The following NEK10 variants were observed in gnomAD, a reference collection of about 807,000 sequenced individuals.
The protein encoded by NEK10 is serine/threonine-protein kinase Nek10.
In NEK10, 122 loss-of-function variants were observed where a neutral mutation model predicts 159.8. The ratio of observed to expected loss-of-function variants is 0.76; its 90% CI spans 0.66 to 0.89. The LOEUF is 0.89. Ranked by LOEUF, NEK10 falls within the 40% of genes least tolerant of loss-of-function variation. NEK10 has a pLI of 0.00. For missense variants in NEK10, 1,342 were observed against 1,323.1 expected, an observed-to-expected ratio of 1.01 and a Z score of -0.22; for synonymous variants, 466 against 457.1, an observed-to-expected ratio of 1.02 and a Z score of -0.25.
chr3:27,229,003 A>G (rs184480235), intron 23 of NEK10, among the ~76,000 whole-genome samples: 2 of 152,268 alleles, frequency 1.3e-5, no homozygotes, highest in East Asian at 3.9e-4. Flanking sequence ...TGACCTAGCT[A>G]CAACTGGTTC....
intron 32 of NEK10, among the ~76,000 whole-genome samples, chr3:27,120,327 C>CTTTTT (rs879451959): frequency 7.0e-6 from 1 of 142,284 alleles, no homozygotes; most frequent in Non-Finnish European, 1.5e-5. Context: ...TTTCTTTTTT[C>CTTTTT]TTTTTTTTTT....
intron 22 of NEK10, among the ~76,000 whole-genome samples, chr3:27,262,710 G>A (rs1430449189): frequency 3.9e-5 from 6 of 152,054 alleles, no homozygotes; most frequent in Non-Finnish European, 1.5e-5. Flanking sequence ...TCTCTGCATT[G>A]ATTATTCTAG....
At chr3:27,233,000 C>A (rs749446087) in intron 23 of NEK10, among the ~76,000 whole-genome samples, 11 of 151,840 alleles carry the variant, frequency 7.2e-5, no homozygotes, top group Admixed American at 2.6e-4. Flanking sequence ...GACTAAGACC[C>A]CAAAACCAAA....
chr3:27,179,743 T>C lies in NEK10; in HGVS notation c.2506-4910A>G, dbSNP rs1475070390. Reference sequence around the variant, plus strand: ...GTATATACCAATATATTTAAAAGCATTTCAAATGAGGCCAGGATCAGGTAA... The same window carrying C: ...GTATATACCAATATATTTAAAAGCACTTCAAATGAGGCCAGGATCAGGTAA... On this transcript the variant is annotated intron_variant, in intron 26 of 35. Coordinates refer to ENST00000691995, the MANE Select transcript of NEK10 (RefSeq NM_001394966.1). Among the ~76,000 whole-genome samples, 6 of 152,186 alleles carry C rather than the reference T, an allele frequency of 3.9e-5. No homozygotes were observed. The East Asian group carries it at 1.2e-3, about 29-fold the overall frequency.
intron 22 of NEK10, among the ~76,000 whole-genome samples, chr3:27,256,654 C>T (rs1443347549): frequency 6.6e-6 from 1 of 152,100 alleles, no homozygotes; most frequent in African/African-American, 2.4e-5. Flanking sequence ...TAACATTTGG[C>T]ATAGGGCAGT....
intron 5 of NEK10, among the ~76,000 whole-genome samples, chr3:27,331,262 A>ACACAC (rs1553639045): frequency 4.4e-4 from 48 of 110,134 alleles, no homozygotes; most frequent in African/African-American, 1.3e-3. Flanking sequence ...AAAAAAAAAA[A>ACACAC]ACACACAAAC....
At chr3:27,303,835 G>A (rs1206654655) in intron 12 of NEK10, among the ~76,000 whole-genome samples, 1 of 152,062 alleles carries the variant, frequency 6.6e-6, no homozygotes, top group Non-Finnish European at 1.5e-5. Context: ...AAATTGATAA[G>A]TCCCTCTGCT....
intron 23 of NEK10, among the ~76,000 whole-genome samples, chr3:27,207,919 G>GTT (rs1950660114): frequency 6.6e-6 from 1 of 152,176 alleles, no homozygotes; most frequent in African/African-American, 2.4e-5. Flanking sequence ...CTGTGTGCCA[G>GTT]TAAGTACCAT....
chr3:27,218,011 G>A lies in NEK10; in HGVS notation c.2091-15454C>T, dbSNP rs183516369. Among the ~76,000 whole-genome samples, 220 of 152,146 alleles carry A rather than the reference G, an allele frequency of 1.4e-3. 1 individual carries two copies. Among genetic ancestry groups the A allele is most frequent in the African/African-American group, 5.2e-3 (215 of 41,512 alleles). Reference sequence around the variant, plus strand: ...TAGCATCACTACTTTGATGCTTTGGGGCTATTACTAAGTAAAATAAGGGTT... The same window carrying A: ...TAGCATCACTACTTTGATGCTTTGGAGCTATTACTAAGTAAAATAAGGGTT... On this transcript the variant is annotated intron_variant, in intron 23 of 35. Transcript: ENST00000691995.
chr3:27,231,037 C>G (rs1953202759), intron 23 of NEK10, among the ~76,000 whole-genome samples: 1 of 151,984 alleles, frequency 6.6e-6, no homozygotes, highest in Non-Finnish European at 1.5e-5. Context: ...ACAGAACACT[C>G]TTCCCAACAA....
At chr3:27,209,363 G>A (rs1439318365) in intron 23 of NEK10, among the ~76,000 whole-genome samples, 1 of 152,076 alleles carries the variant, frequency 6.6e-6, no homozygotes, top group African/African-American at 2.4e-5. Context: ...ACTATCTATG[G>A]TTTTCTGCAC....
At chr3:27,118,574 G>C (rs1940831832) in intron 33 of NEK10, among the ~76,000 whole-genome samples, 1 of 152,168 alleles carries the variant, frequency 6.6e-6, no homozygotes, top group Non-Finnish European at 1.5e-5. Context: ...CTGTGACATG[G>C]GCCAAGCCTA....
chr3:27,366,169 T>G (rs887890941), intron 1 of NEK10, among the ~76,000 whole-genome samples: 1 of 152,136 alleles, frequency 6.6e-6, no homozygotes, highest in Admixed American at 6.5e-5. Context: ...TTTTCCATAT[T>G]AATTCATGTA....
chr3:27,203,367 TGAC>T (rs1450614514), intron 23 of NEK10, among the ~76,000 whole-genome samples: 2 of 152,198 alleles, frequency 1.3e-5, no homozygotes, highest in African/African-American at 4.8e-5. Flanking sequence ...TTGCGGGAAA[TGAC>T]AATATCTACC....
intron 23 of NEK10, among the ~76,000 whole-genome samples, chr3:27,247,099 T>C (rs2149282560): frequency 6.6e-6 from 1 of 152,234 alleles, no homozygotes; most frequent in African/African-American, 2.4e-5. Flanking sequence ...TCCTTCCCAA[T>C]TTGGATGCCT....
intron 5 of NEK10, among the ~76,000 whole-genome samples, chr3:27,327,911 A>G (rs758045901): frequency 6.7e-6 from 1 of 149,082 alleles, no homozygotes; most frequent in Non-Finnish European, 1.5e-5. Flanking sequence ...CTGAAAAAGT[A>G]AAATTCACAT....
At chr3:27,256,714 C>T (rs1490477535) in intron 22 of NEK10, among the ~76,000 whole-genome samples, 1 of 152,026 alleles carries the variant, frequency 6.6e-6, no homozygotes. Flanking sequence ...AAATAAATAC[C>T]ATGAAGGCCT....
Position 27,286,167 on chromosome 3 carries a change from G to A in NEK10, c.1790-1206C>T, listed in dbSNP as rs370534674. Among the ~76,000 whole-genome samples, 10 of 126,276 alleles carry A rather than the reference G, an allele frequency of 7.9e-5. No individual in the cohort carries two copies. The South Asian group carries it at 1.6e-3, about 20-fold the overall frequency. 82.8% of individuals were successfully genotyped at this position (126,276 alleles called of 152,430 possible). ...GTGGCGCGATCTTGGCTCACTGCAC[G>A]CTCTGCCTCTGGGGTTCACGCCATT... On this transcript the variant is annotated intron_variant, in intron 20 of 35. Transcript: ENST00000691995.
At chr3:27,344,607 G>A (rs1212403076) in intron 4 of NEK10, among the ~76,000 whole-genome samples, 1 of 152,142 alleles carries the variant, frequency 6.6e-6, no homozygotes, top group Non-Finnish European at 1.5e-5. Flanking sequence ...ATAAAATATA[G>A]TCAAGCATAT....
Sources: gnomAD v4.1 joint callset for allele counts (sites outside exome capture counted in the v4.1 genomes callset) on GRCh38, gnomAD v4.1.1 for gene constraint, MANE v1.5 for transcripts, NCBI Gene and HGNC (gene_info 2026-07-23, HGNC 2026-07-21) for gene names.